Variants in DPP4 observed in about 807,000 individuals in gnomAD.
DPP4 encodes ADCP-2.
In DPP4, 93 loss-of-function variants were observed where a neutral mutation model predicts 122.4. The observed-to-expected ratio is 0.76, with a 90% CI of 0.64 to 0.90. The LOEUF is 0.90. DPP4 is among the 40% of genes least tolerant of loss of function. The probability of loss-of-function intolerance (pLI) is 0.00; values close to 1 mark genes in which losing one functional copy is unlikely to be tolerated. For synonymous variants in DPP4, 321 were observed against 302.9 expected (o/e 1.06, Z -0.62); for missense variants, 914 against 907.3 (o/e 1.01, Z -0.09).
intron 23 of DPP4, among the ~76,000 whole-genome samples, chr2:162,002,440 T>C (rs1406707933): frequency 1.3e-5 from 2 of 152,240 alleles, no homozygotes; most frequent in Non-Finnish European, 2.9e-5. Flanking sequence ...AGTGGCTATT[T>C]AGCTGAAAAC....
chr2:162,049,968 C>A (rs1244324318), intron 2 of DPP4, among the ~76,000 whole-genome samples: 1 of 152,016 alleles, frequency 6.6e-6, no homozygotes, highest in Non-Finnish European at 1.5e-5. Context: ...TCAATTTACT[C>A]CTGCATTTCA....
Position 162,074,157 on chromosome 2 carries a change from G to GCCAGAGC in DPP4, c.-177_-176insGCTCTGG. 1 of 1,319,120 alleles carries GCCAGAGC rather than the reference G, an allele frequency of 7.6e-7. No homozygotes were observed. The highest frequency in any genetic ancestry group is 9.7e-7 in the Non-Finnish European group (1 of 1,035,870). 81.7% of individuals were successfully genotyped at this position (1,319,120 alleles called of 1,614,324 possible). ...CGCCGAGCCCGCTGGGTATAAAGGCGCCGCGGGCAGGCTGCAGGGCAGGCG... is the reference window on the plus strand; with the variant it reads ...CGCCGAGCCCGCTGGGTATAAAGGCGCCAGAGCCCGCGGGCAGGCTGCAGGGCAGGCG... On this transcript the variant is annotated 5_prime_UTR_variant, in exon 1 of 26. Coordinates refer to ENST00000360534, the MANE Select transcript of DPP4 (RefSeq NM_001935.4).
At chr2:162,017,190 A>G (rs912191138) in intron 16 of DPP4, 35 bp from the exon 17 acceptor site, 3 of 1,591,900 alleles carry the variant, frequency 1.9e-6, no homozygotes, top group Non-Finnish European at 2.6e-6. Flanking sequence ...GTTTTGGATG[A>G]ATACTTTTTT....
At chr2:162,016,961 G>A in intron 17 of DPP4, 95 bp from the exon 18 acceptor site, 1 of 1,411,920 alleles carries the variant, frequency 7.1e-7, no homozygotes, top group South Asian at 1.3e-5. Context: ...TCACTGATCG[G>A]ACTACACATA....
At chr2:162,047,133 A>T in intron 3 of DPP4, 127 bp from the exon 4 acceptor site, 2 of 603,896 alleles carry the variant, frequency 3.3e-6, no homozygotes, top group Non-Finnish European at 2.9e-6. Context: ...AGAAAACATG[A>T]ATGATATTAT....
chr2:161,993,272 A>G lies in DPP4; in HGVS notation c.*11T>C, dbSNP rs759928956. The stretch of plus-strand genomic sequence containing the variant: ...TTTAATAAGCTTTAAATGGCATGGT[A>G]TTTTGAGGTGCTAAGGTAAAGAGAA... On this transcript the variant is annotated 3_prime_UTR_variant, in exon 26 of 26. Coordinates refer to ENST00000360534, the MANE Select transcript of DPP4 (RefSeq NM_001935.4). 6.3e-7 allele frequency: 1 copy of G among 1,589,202 alleles called. No individual in the cohort carries two copies. The highest frequency in any genetic ancestry group is 1.7e-5 in the Admixed American group (1 of 59,924).
intron 2 of DPP4, among the ~76,000 whole-genome samples, chr2:162,048,054 T>C (rs1274597171): frequency 6.6e-6 from 1 of 152,128 alleles, no homozygotes; most frequent in Non-Finnish European, 1.5e-5. Context: ...ACTACTGTAG[T>C]GGATGGCCTG....
At chr2:162,060,422 A>C (rs73971563) in intron 2 of DPP4, among the ~76,000 whole-genome samples, 5,682 of 152,152 alleles carry the variant, frequency 0.037, 356 homozygotes, top group African/African-American at 0.13. Flanking sequence ...TACCATCTCT[A>C]TTCTCTTTTC....
chr2:162,016,043 AG>A (rs1682913626), intron 18 of DPP4, among the ~76,000 whole-genome samples: 1 of 152,162 alleles, frequency 6.6e-6, no homozygotes, highest in South Asian at 2.1e-4. Context: ...GTTTTTCACG[AG>A]GATGCTATAC....
Position 162,020,580 on chromosome 2 carries a change from C to CT in DPP4, c.1176dup (p.Asp393ArgfsTer21), listed in dbSNP as rs761303473. 3.1e-6 allele frequency: 5 copies of CT among 1,589,552 alleles called. No individual in the cohort carries two copies. The Admixed American group carries it at 5.4e-5, about 17-fold the overall frequency. On this transcript the variant is annotated frameshift_variant and splice_region_variant. Transcript: ENST00000360534. LOFTEE classifies it high-confidence loss of function. ...GAAATAAAATATGTAAGAATACTCA[C>CT]TTTTTTATCTATTTGGAAATAGCAA...
At chr2:162,044,963 TC>T (rs1349957949) in intron 5 of DPP4, among the ~76,000 whole-genome samples, 1 of 146,926 alleles carries the variant, frequency 6.8e-6, no homozygotes, top group African/African-American at 2.6e-5. Flanking sequence ...TTTCTTTCTT[TC>T]TTTTTTTTTT....
rs1044441914 is a variant in DPP4, at chr2:162,018,833, T to C, written c.1316A>G (p.Tyr439Cys). Residue 439 changes from tyrosine to cysteine, a missense_variant, in exon 16 of 26, where the codon TAT (tyrosine) becomes TGT (cysteine). Physicochemically the swap from Tyr to Cys is radical, Grantham distance 194 (BLOSUM62 -2). Coordinates refer to ENST00000360534, the MANE Select transcript of DPP4 (RefSeq NM_001935.4). Reference protein sequence around the residue: ...RNLYKIQLSDYTKVTCLSCEL... With the variant: ...RNLYKIQLSDCTKVTCLSCEL... ...ACAACTGAGGCATGTCACTTTTGTA[T>C]AGTCACTAAGTTGGATTCTGTAAAA... The C allele has an allele frequency of 1.2e-6, 2 of 1,614,050 alleles. No individual in the cohort carries two copies. The highest frequency in any genetic ancestry group is 1.3e-5 in the African/African-American group (1 of 74,936).
chr2:162,002,673 AAGAGAG>A (rs112312472), intron 23 of DPP4, among the ~76,000 whole-genome samples: 3 of 150,404 alleles, frequency 2.0e-5, no homozygotes, highest in Admixed American at 6.6e-5. Flanking sequence ...GAAAAAGAGG[AAGAGAG>A]AGAGAGAGAG....
intron 22 of DPP4, among the ~76,000 whole-genome samples, chr2:162,006,409 A>G (rs1206462739): frequency 2.0e-5 from 3 of 152,166 alleles, no homozygotes; most frequent in Non-Finnish European, 4.4e-5. Flanking sequence ...ACTATAATAA[A>G]AACAAATAAT....
At chr2:162,054,583 C>T (rs1339485669) in intron 2 of DPP4, among the ~76,000 whole-genome samples, 2 of 152,096 alleles carry the variant, frequency 1.3e-5, no homozygotes, top group African/African-American at 4.8e-5. Flanking sequence ...CATGAGGGCT[C>T]CCCACTCATG....
chr2:162,068,946 G>A (rs562332173), intron 2 of DPP4, among the ~76,000 whole-genome samples: 8 of 152,262 alleles, frequency 5.3e-5, no homozygotes, highest in African/African-American at 1.9e-4. Flanking sequence ...AGGCACATGA[G>A]TGAGCTTGGA....
In DPP4 at chr2:162,038,286, G is replaced by C. The variant is rs1342959541; in HGVS notation, c.613+16C>G. 6.5e-7 allele frequency: 1 copy of C among 1,529,644 alleles called. No homozygotes were observed. The highest frequency in any genetic ancestry group is 8.7e-7 in the Non-Finnish European group (1 of 1,143,372). 94.8% of individuals were successfully genotyped at this position (1,529,644 alleles called of 1,614,324 possible). A position where few individuals can be genotyped will look rare whatever the true frequency, so the allele number is the denominator to read the frequency against. ...CTTATAGATTTTCTGATTTGAAAAA[G>C]CTTTAAAGTTTCTACCTTCATAAAC... On this transcript the variant is annotated intron_variant, in intron 8 of 25. Transcript: ENST00000360534.
chr2:162,000,113 A>T (rs1055425671), intron 23 of DPP4, among the ~76,000 whole-genome samples: 1 of 152,122 alleles, frequency 6.6e-6, no homozygotes. Flanking sequence ...TTATAGAAAG[A>T]GCACACAGTC....
chr2:162,013,614 T>G (rs540763141), intron 19 of DPP4, among the ~76,000 whole-genome samples: 15 of 152,132 alleles, frequency 9.9e-5, no homozygotes, highest in African/African-American at 3.6e-4. Context: ...GAACTTACTA[T>G]ATGGGTTTGT....
Sources: gnomAD v4.1 joint callset for allele counts (sites outside exome capture counted in the v4.1 genomes callset) on GRCh38, gnomAD v4.1.1 for gene constraint, MANE v1.5 for transcripts, NCBI Gene and HGNC (gene_info 2026-07-23, HGNC 2026-07-21) for gene names.